The following TOGARAM2 variants were observed in gnomAD, a reference collection of about 807,000 sequenced individuals.
TOGARAM2 encodes TOG array regulator of axonemal microtubules protein 2.
Under a neutral mutation model 93.3 loss-of-function variants are expected in TOGARAM2, and 85 were observed. The observed-to-expected ratio is 0.91, with a 90% CI of 0.76 to 1.09. TOGARAM2 has a LOEUF of 1.09. TOGARAM2 is among the 50% of genes least tolerant of loss of function. The pLI is 0.00. For missense variants in TOGARAM2, 1,277 were observed against 1,334.5 expected (o/e 0.96, Z 0.67); for synonymous variants, 593 against 552.8 (o/e 1.07, Z -1.02).
In TOGARAM2 at chr2:29,024,144, C is replaced by T; in HGVS notation, c.1623C>T (p.Thr541=). 1 of 1,571,850 alleles carries T rather than the reference C, an allele frequency of 6.4e-7. No individual in the cohort carries two copies. Among genetic ancestry groups the T allele is most frequent in the Non-Finnish European group, 8.6e-7 (1 of 1,158,310 alleles). Residue 541 remains threonine (T), a synonymous_variant, in exon 13 of 20, where the codon ACC becomes ACT. Coordinates refer to ENST00000379558, the MANE Select transcript of TOGARAM2 (RefSeq NM_199280.4). ...GCCTCTCTCCTCTCTCCAAGGTCAC[C>T]AACCTGCGGTCCAAGGTGTCTCACC... ...DVCLVVTGEV[T]NLRSKVSHLA...
chr2:28,990,047 G>A (rs998628953), intron 1 of TOGARAM2, among the ~76,000 whole-genome samples: 3 of 152,188 alleles, frequency 2.0e-5, no homozygotes, highest in Non-Finnish European at 2.9e-5. Context: ...CAGGTCTACG[G>A]CCTGGGCTGC....
intron 6 of TOGARAM2, among the ~76,000 whole-genome samples, chr2:29,010,545 C>T (rs781169491): frequency 1.1e-4 from 16 of 152,240 alleles, no homozygotes; most frequent in Middle Eastern, 6.8e-3. Flanking sequence ...TGTCCTACCG[C>T]CCCTCCTGCA....
intron 2 of TOGARAM2, among the ~76,000 whole-genome samples, chr2:28,995,982 T>C (rs1672970203): frequency 6.6e-6 from 1 of 151,924 alleles, no homozygotes; most frequent in South Asian, 2.1e-4. Context: ...CAGAGATGAG[T>C]AAGACACAGT....
intron 1 of TOGARAM2, among the ~76,000 whole-genome samples, chr2:28,967,544 G>T (rs896962541): frequency 6.6e-6 from 1 of 152,132 alleles, no homozygotes; most frequent in African/African-American, 2.4e-5. Context: ...AGAAATTAAA[G>T]CTCTGGAACT....
At chr2:28,993,795 C>T (rs1170845674) in intron 1 of TOGARAM2, among the ~76,000 whole-genome samples, 1 of 152,180 alleles carries the variant, frequency 6.6e-6, no homozygotes, top group Non-Finnish European at 1.5e-5. Flanking sequence ...CTGGGTGGGG[C>T]AGTGGCTGGC....
Position 29,017,942 on chromosome 2 carries a change from C to A in TOGARAM2, c.1346C>A (p.Ala449Asp). Residue 449 changes from alanine to aspartate, a missense_variant, in exon 10 of 20, where the codon GCC (alanine) becomes GAC (aspartate). By Grantham distance (126) the Ala-to-Asp change is moderately radical (BLOSUM62 -2). Transcript: ENST00000379558. ...IPISRQEPRF[A>D]RHASANSLPA... ...ATCAGCCGGCAGGAGCCCCGCTTTG[C>A]CCGCCACGCCTCAGGTGGGCAGGCC... 1.2e-6 allele frequency: 2 copies of A among 1,604,098 alleles called. No homozygotes were observed. Among genetic ancestry groups the A allele is most frequent in the Non-Finnish European group, 8.5e-7 (1 of 1,174,824 alleles).
chr2:28,986,435 A>C (rs914334908), intron 1 of TOGARAM2, among the ~76,000 whole-genome samples: 1 of 152,172 alleles, frequency 6.6e-6, no homozygotes, highest in Admixed American at 6.5e-5. Flanking sequence ...GTTGGGCATA[A>C]AACAGTTGGG....
At chr2:29,017,716 T>C (rs66482868) in intron 9 of TOGARAM2, 76 bp from the exon 10 acceptor site, 323,873 of 1,399,958 alleles carry the variant, frequency 0.23, 38,804 homozygotes, top group African/African-American at 0.25. Flanking sequence ...CAGCCATGGG[T>C]CCATTTTCAA....
Position 29,033,479 on chromosome 2 carries a change from A to AT in TOGARAM2, c.2142dup (p.Asn715Ter). The AT allele has an allele frequency of 6.2e-7, 1 of 1,613,178 alleles. No individual in the cohort carries two copies. Among genetic ancestry groups the AT allele is most frequent in the Non-Finnish European group, 8.5e-7 (1 of 1,179,632 alleles). ...GTGTATTTTTTCAAGGGAATAGAAG[A>AT]TAATGATGAACTTCCCTCTGCCAAA... On this transcript the variant is annotated frameshift_variant, in exon 16 of 20. Coordinates refer to ENST00000379558, the MANE Select transcript of TOGARAM2 (RefSeq NM_199280.4). LOFTEE classifies it high-confidence loss of function.
intron 14 of TOGARAM2, 57 bp from the exon 15 acceptor site, chr2:29,032,877 A>G (rs1280849588): frequency 6.8e-7 from 1 of 1,462,542 alleles, no homozygotes; most frequent in Admixed American, 2.0e-5. Flanking sequence ...GCTGTAAAGC[A>G]AATTTATTTT....
chr2:29,023,886 T>C (rs1309902371), intron 12 of TOGARAM2, among the ~76,000 whole-genome samples: 2 of 152,236 alleles, frequency 1.3e-5, no homozygotes, highest in African/African-American at 4.8e-5. Flanking sequence ...ACATTCTTTG[T>C]AAAAGTGCTT....
At chr2:28,997,020 A>G (rs1359861444) in intron 2 of TOGARAM2, among the ~76,000 whole-genome samples, 1 of 152,156 alleles carries the variant, frequency 6.6e-6, no homozygotes, top group Non-Finnish European at 1.5e-5. Flanking sequence ...GAGAGTGCAG[A>G]TAGCTCTTCA....
chr2:29,045,546 C>CT (rs1294100508), intron 19 of TOGARAM2, 136 bp downstream of exon 19: 4 of 760,234 alleles, frequency 5.3e-6, no homozygotes, highest in Non-Finnish European at 6.7e-6. Context: ...TGAAAATCTG[C>CT]TTTTTTTGTG....
At chr2:29,005,974 A>G (rs1663757077) in intron 6 of TOGARAM2, among the ~76,000 whole-genome samples, 3 of 53,170 alleles carry the variant, frequency 5.6e-5, no homozygotes, top group African/African-American at 1.6e-4. Flanking sequence ...TGTGTGTGAG[A>G]CCGTATGAGT....
intron 11 of TOGARAM2, 61 bp from the exon 12 acceptor site, chr2:29,023,025 C>T: frequency 1.4e-6 from 2 of 1,458,238 alleles, no homozygotes; most frequent in Non-Finnish European, 1.9e-6. Context: ...CCCTAGTCTG[C>T]AGAGGGGTGG....
At chr2:29,001,126 A>T (rs970796084) in intron 4 of TOGARAM2, among the ~76,000 whole-genome samples, 4 of 151,616 alleles carry the variant, frequency 2.6e-5, no homozygotes, top group Non-Finnish European at 2.9e-5. Context: ...GGCTGAGTTG[A>T]CTCCTCTGTG....
At chr2:28,971,564 C>T (rs1558394184) in intron 1 of TOGARAM2, among the ~76,000 whole-genome samples, 1 of 152,140 alleles carries the variant, frequency 6.6e-6, no homozygotes, top group Non-Finnish European at 1.5e-5. Flanking sequence ...GAGGGATCCT[C>T]AATCAGGTTT....
At chr2:29,028,693 A>C (rs1024849973) in intron 14 of TOGARAM2, among the ~76,000 whole-genome samples, 1 of 151,910 alleles carries the variant, frequency 6.6e-6, no homozygotes, top group Non-Finnish European at 1.5e-5. Flanking sequence ...ACAGCAGATG[A>C]TGGCTGCCCC....
At chr2:29,032,230 T>C (rs778384210) in intron 14 of TOGARAM2, among the ~76,000 whole-genome samples, 28 of 152,240 alleles carry the variant, frequency 1.8e-4, no homozygotes, top group Admixed American at 1.3e-4. Context: ...TGTTCTCCTC[T>C]GGCCTGTCTG....
Sources: allele counts gnomAD v4.1 joint callset (sites outside exome capture counted in the v4.1 genomes callset), GRCh38; gene constraint gnomAD v4.1.1; transcripts MANE v1.5; gene names NCBI Gene and HGNC (gene_info 2026-07-23, HGNC 2026-07-21).